The following HPSE variants were observed in gnomAD, a reference collection of about 807,000 sequenced individuals.
The protein encoded by HPSE is endo-glucoronidase.
Under a neutral mutation model 65.1 loss-of-function variants are expected in HPSE, and 48 were observed. That is an observed-to-expected ratio of 0.74 (90% CI 0.58 to 0.94). The LOEUF (loss-of-function observed/expected upper bound fraction) is 0.94, where lower values mean the gene tolerates loss of function less well. Among genes scored for constraint, HPSE ranks in the 40% least tolerant of loss-of-function variants. The pLI is 0.00. For missense variants in HPSE, 644 were observed against 637.5 expected, an observed-to-expected ratio of 1.01 and a Z score of -0.11; for synonymous variants, 243 against 260.0, an observed-to-expected ratio of 0.93 and a Z score of 0.63.
At chr4:83,324,867 G>A (rs968661947) in intron 1 of HPSE, among the ~76,000 whole-genome samples, 1 of 152,186 alleles carries the variant, frequency 6.6e-6, no homozygotes, top group Non-Finnish European at 1.5e-5. Flanking sequence ...ACAACAATGT[G>A]AGTGTGGTGA....
chr4:83,324,121 T>TC (rs1205124911), intron 1 of HPSE, among the ~76,000 whole-genome samples: 14 of 136,084 alleles, frequency 1.0e-4, no homozygotes, highest in African/African-American at 3.5e-4. Context: ...TTCTTTTTTT[T>TC]TTTTTTTTTT....
chr4:83,331,776 G>A (rs1737382916), intron 1 of HPSE, among the ~76,000 whole-genome samples: 1 of 152,178 alleles, frequency 6.6e-6, no homozygotes, highest in Non-Finnish European at 1.5e-5. Context: ...TTACTCTCAT[G>A]TGAATGCTTC....
At chr4:83,321,256 G>A (rs374495710) in intron 2 of HPSE, among the ~76,000 whole-genome samples, 2 of 152,040 alleles carry the variant, frequency 1.3e-5, no homozygotes, top group African/African-American at 4.8e-5. Context: ...GGTATTCAAA[G>A]ATAACCCATC....
At chr4:83,332,890 A>G (rs1361869033) in intron 1 of HPSE, among the ~76,000 whole-genome samples, 1 of 152,084 alleles carries the variant, frequency 6.6e-6, no homozygotes, top group East Asian at 1.9e-4. Flanking sequence ...CAGTAAATGG[A>G]CATCTACTTC....
chr4:83,306,037 C>G lies in HPSE; in HGVS notation c.1206+166G>C, dbSNP rs577436925. Reference sequence around the variant, plus strand: ...GCTCTTGATTTCTTCTCTTCAAACACACAAAAAAATGTTAGATTGGATGCT... The same window carrying G: ...GCTCTTGATTTCTTCTCTTCAAACAGACAAAAAAATGTTAGATTGGATGCT... On this transcript the variant is annotated intron_variant, in intron 9 of 11. Transcript: ENST00000311412. Among the ~76,000 whole-genome samples the G allele has an allele frequency of 9.2e-5, 14 of 152,200 alleles. No individual in the cohort carries two copies. In the South Asian group the frequency reaches 2.3e-3, roughly 25 times the overall value.
chr4:83,314,738 G>A (rs953981233), intron 3 of HPSE, among the ~76,000 whole-genome samples: 2 of 152,104 alleles, frequency 1.3e-5, no homozygotes, highest in Admixed American at 6.6e-5. Flanking sequence ...AACTCTTGTA[G>A]TTAAAAAAGA....
intron 10 of HPSE, among the ~76,000 whole-genome samples, 177 bp downstream of exon 10, chr4:83,301,973 A>G (rs997871257): frequency 1.3e-5 from 2 of 152,196 alleles, no homozygotes; most frequent in Non-Finnish European, 1.5e-5. Flanking sequence ...AACAACAACA[A>G]AAGTAGCATT....
chr4:83,331,938 T>C (rs1737388471), intron 1 of HPSE, among the ~76,000 whole-genome samples: 1 of 152,238 alleles, frequency 6.6e-6, no homozygotes, highest in Non-Finnish European at 1.5e-5. Flanking sequence ...GTGGCCAAGT[T>C]ACTTAACCTC....
chr4:83,330,635 T>C (rs963245188), intron 1 of HPSE, among the ~76,000 whole-genome samples: 10 of 152,360 alleles, frequency 6.6e-5, no homozygotes, highest in Non-Finnish European at 1.5e-4. Context: ...TTTTTATCAG[T>C]AAATATTTAT....
chr4:83,315,510 CT>C, intron 3 of HPSE, among the ~76,000 whole-genome samples: 1 of 152,198 alleles, frequency 6.6e-6, no homozygotes, highest in East Asian at 1.9e-4. Flanking sequence ...TTACTAGAGT[CT>C]GTTACAAGGG....
intron 11 of HPSE, among the ~76,000 whole-genome samples, chr4:83,297,153 G>GT (rs989625516): frequency 3.9e-5 from 6 of 152,134 alleles, no homozygotes; most frequent in African/African-American, 1.4e-4. Context: ...ATTCGCTACA[G>GT]TAACATGCTT....
intron 8 of HPSE, among the ~76,000 whole-genome samples, chr4:83,307,756 G>T (rs1469226037): frequency 6.6e-6 from 1 of 152,006 alleles, no homozygotes; most frequent in Non-Finnish European, 1.5e-5. Context: ...GCTTCCATGG[G>T]CATAAAGGAT....
chr4:83,293,194 G>A lies in HPSE; in HGVS notation c.*2150C>T, dbSNP rs1037968514. On this transcript the variant is annotated 3_prime_UTR_variant, in exon 12 of 12. Transcript: ENST00000311412. ...ACTCAGAGACAATTATAGGAACCTC[G>A]TTGTTGTTGGCAGTGACTGGTGAAA... The A allele has an allele frequency of 2.0e-5, 3 of 152,282 alleles. No individual in the cohort carries two copies. The highest frequency in any genetic ancestry group is 3.4e-3 in the Middle Eastern group (1 of 294). The allele number at this position is 152,282 out of a possible 1,614,324, so 9.4% of individuals were successfully genotyped here.
Position 83,292,900 on chromosome 4 carries a change from A to G in HPSE, c.*2444T>C, listed in dbSNP as rs1476216066. The G allele has an allele frequency of 1.3e-5, 2 of 152,154 alleles. No homozygotes were observed. The highest frequency in any genetic ancestry group is 2.9e-5 in the Non-Finnish European group (2 of 68,030). The allele number at this position is 152,154 out of a possible 1,614,324, so 9.4% of individuals were successfully genotyped here. A position where few individuals can be genotyped will look rare whatever the true frequency, so the allele number is the denominator to read the frequency against. ...GAGGGTAATGGATGAAAAATTACCT[A>G]TTGGGTACAATGTACATCACTCAGG... On this transcript the variant is annotated 3_prime_UTR_variant, in exon 12 of 12. Coordinates refer to ENST00000311412, the MANE Select transcript of HPSE (RefSeq NM_001098540.3).
At position 83,326,446 on chromosome 4, in the gene HPSE, A is replaced by G. The variant is rs373362346; in HGVS notation, c.228-4082T>C. On this transcript the variant is annotated intron_variant, in intron 1 of 11. Coordinates refer to ENST00000311412, the MANE Select transcript of HPSE (RefSeq NM_001098540.3). This position sits in a 1 kb window ranked among gnomAD's most constrained non-coding sequence, Gnocchi z 4.2. ...GGAAGATGGTAATATCATTTGCTGG[A>G]TGAGGAACAGGTGATAGACTGAAGA... 8.5e-5 allele frequency among the ~76,000 whole-genome samples: 13 copies of G among 152,284 alleles called. No homozygotes were observed. In the East Asian group the frequency reaches 2.5e-3, roughly 29 times the overall value.
In HPSE at chr4:83,309,399, T is replaced by C; in HGVS notation, c.984+3A>G. ...ACATTAAAAAGTTTAAAAAGACTATTACCTGGAAAACTTTTTGCACAGATG... is the reference window on the plus strand; with the variant it reads ...ACATTAAAAAGTTTAAAAAGACTATCACCTGGAAAACTTTTTGCACAGATG... On this transcript the variant is annotated splice_donor_region_variant and intron_variant, in intron 7 of 11. Transcript: ENST00000311412. The C allele has an allele frequency of 2.7e-6, 4 of 1,487,038 alleles. No individual in the cohort carries two copies. Among genetic ancestry groups the C allele is most frequent in the Non-Finnish European group, 2.8e-6 (3 of 1,079,064 alleles). The allele number at this position is 1,487,038 out of a possible 1,614,324, so 92.1% of individuals were successfully genotyped here.
At chr4:83,320,222 T>G (rs4693084) in intron 2 of HPSE, among the ~76,000 whole-genome samples, 118,346 of 151,674 alleles carry the variant, frequency 0.78, 46,202 homozygotes, top group East Asian at 0.87. Context: ...TTTTTCGCTT[T>G]GAATTTGGTA....
At chr4:83,310,989 C>G in intron 4 of HPSE, 99 bp from the exon 5 acceptor site, 1 of 1,010,168 alleles carries the variant, frequency 9.9e-7, no homozygotes, top group Non-Finnish European at 1.4e-6. Context: ...TTCCAAATTA[C>G]AAAAACTTGT....
At position 83,306,331 on chromosome 4, in the gene HPSE, A is replaced by G. The variant is rs753002852; in HGVS notation, c.1092-14T>C. ...TTATCCAGCCACCTGGGACAGAGCAAGACCAAGCTTTCTTGAGGTTTGGAA... is the reference window on the plus strand; with the variant it reads ...TTATCCAGCCACCTGGGACAGAGCAGGACCAAGCTTTCTTGAGGTTTGGAA... On this transcript the variant is annotated splice_polypyrimidine_tract_variant and intron_variant, in intron 8 of 11. Coordinates refer to ENST00000311412, the MANE Select transcript of HPSE (RefSeq NM_001098540.3). The G allele has an allele frequency of 8.2e-6, 12 of 1,461,778 alleles. No homozygotes were observed. Among genetic ancestry groups the G allele is most frequent in the Non-Finnish European group, 1.1e-5 (12 of 1,043,794 alleles). The allele number at this position is 1,461,778 out of a possible 1,614,324, so 90.6% of individuals were successfully genotyped here. A position where few individuals can be genotyped will look rare whatever the true frequency, so the allele number is the denominator to read the frequency against.
Sources: allele counts gnomAD v4.1 joint callset (sites outside exome capture counted in the v4.1 genomes callset), GRCh38; gene constraint gnomAD v4.1.1; non-coding constraint Gnocchi (gnomAD v3.1); transcripts MANE v1.5; gene names NCBI Gene and HGNC (gene_info 2026-07-23, HGNC 2026-07-21).